Variants in ALX3 observed in about 807,000 individuals in gnomAD.
ALX3 encodes the protein ALX homeobox 3, also known as homeobox protein aristaless-like 3.
ALX3 carries 17 observed loss-of-function variants against 26.3 expected under a neutral mutation model. The ratio of observed to expected loss-of-function variants is 0.65; its 90% confidence interval spans 0.44 to 0.97. The LOEUF is 0.97. Among genes scored for constraint, ALX3 ranks in the 50% least tolerant of loss-of-function variants. The pLI, the probability that ALX3 is intolerant of heterozygous loss-of-function variation, is 0.00. For missense variants in ALX3, 461 were observed against 466.5 expected (o/e 0.99, Z 0.11); for synonymous variants, 208 against 201.4 (o/e 1.03, Z -0.28).
In ALX3 at chr1:110,070,254, A is replaced by G; in HGVS notation, c.277+82T>C. ...TGAGAAATAGGCGAGCGGGAGAGAT[A>G]AGCAGGAAGGCCCGGGTGGGCCCGG... is the stretch of plus-strand genomic sequence containing the variant. On this transcript the variant is annotated intron_variant, in intron 1 of 3. Coordinates refer to ENST00000647563, the MANE Select transcript of ALX3 (RefSeq NM_006492.3). 3 of 1,257,688 alleles carry G rather than the reference A, an allele frequency of 2.4e-6. No homozygotes were observed. In the East Asian group the frequency reaches 8.8e-5, roughly 37 times the overall value. The allele number at this position is 1,257,688 out of a possible 1,614,324, so 77.9% of individuals were successfully genotyped here. A position where few individuals can be genotyped will look rare whatever the true frequency, so the allele number is the denominator to read the frequency against.
At chr1:110,064,208 G>C (rs1386495018) in intron 2 of ALX3, among the ~76,000 whole-genome samples, 7 of 152,192 alleles carry the variant, frequency 4.6e-5, no homozygotes, top group Admixed American at 3.3e-4. Flanking sequence ...GGCCATCCCT[G>C]TGATCCTCAG....
At chr1:110,062,178 A>G (rs1653664804) in intron 2 of ALX3, 1 of 153,360 alleles carries the variant, frequency 6.5e-6, no homozygotes, top group Non-Finnish European at 1.5e-5. Flanking sequence ...TGCTCCTTCC[A>G]TCTTTTGCTT....
chr1:110,063,669 A>G (rs964524258), intron 2 of ALX3, among the ~76,000 whole-genome samples: 4 of 151,084 alleles, frequency 2.6e-5, no homozygotes, highest in Non-Finnish European at 5.9e-5. Flanking sequence ...TCACCTCCTC[A>G]CCTTTCCCCA....
chr1:110,066,950 C>T (rs1653806252), intron 1 of ALX3, among the ~76,000 whole-genome samples: 1 of 152,188 alleles, frequency 6.6e-6, no homozygotes, highest in African/African-American at 2.4e-5. Context: ...AAAGAAGAGG[C>T]TAAGCCTGCT....
intron 2 of ALX3, among the ~76,000 whole-genome samples, chr1:110,063,871 T>C (rs1338051943): frequency 2.6e-5 from 4 of 151,980 alleles, no homozygotes; most frequent in Non-Finnish European, 5.9e-5. Flanking sequence ...GGACGTGGGC[T>C]TCCCTTGCCT....
rs756125390 is a variant in ALX3, at chr1:110,064,698, G to A, written c.483C>T (p.Ser161=). ...SKKRRNRTTF[S]TFQLEELEKV... ...TCTCCAGCTCCTCCAGCTGGAATGTGCTGAAGGTCGTGCGGTTACGACGCT... is the reference window on the plus strand; with the variant it reads ...TCTCCAGCTCCTCCAGCTGGAATGTACTGAAGGTCGTGCGGTTACGACGCT... The change falls in exon 2 of 4, where the codon AGC becomes AGT. Residue 161 remains serine, a synonymous_variant. Transcript: ENST00000647563. 2 of 1,614,262 alleles carry A rather than the reference G, an allele frequency of 1.2e-6. No homozygotes were observed. The highest frequency in any genetic ancestry group is 1.7e-6 in the Non-Finnish European group (2 of 1,180,052).
chr1:110,070,268 G>T, intron 1 of ALX3, 68 bp downstream of exon 1: 1 of 1,278,136 alleles, frequency 7.8e-7, no homozygotes, highest in Non-Finnish European at 9.9e-7. Flanking sequence ...AGGAAGGCCC[G>T]GGTGGGCCCG....
chr1:110,070,431 A>T lies in ALX3; in HGVS notation c.182T>A (p.Leu61His), dbSNP rs1219901152. Residue 61 changes from leucine to histidine, a missense_variant, in exon 1 of 4, where the codon CTC (leucine) becomes CAC (histidine). Around this residue, in one of 3 missense-constraint regions of ALX3, gnomAD observed 241 missense variants for 206.1 expected, o/e 1.17. Coordinates refer to ENST00000647563, the MANE Select transcript of ALX3 (RefSeq NM_006492.3). ...FPACGPLEPY[L>H]PEPAKPPAKY... Reference sequence around the variant, plus strand: ...GGCGGGCGGCTTGGCCGGCTCTGGGAGGTAGGGCTCCAGGGGCCCGCAGGC... The same window carrying T: ...GGCGGGCGGCTTGGCCGGCTCTGGGTGGTAGGGCTCCAGGGGCCCGCAGGC... 7.1e-6 allele frequency: 9 copies of T among 1,267,992 alleles called. 1 individual carries two copies. Among genetic ancestry groups the T allele is most frequent in the Non-Finnish European group, 7.9e-6 (8 of 1,008,696 alleles). 78.5% of individuals were successfully genotyped at this position (1,267,992 alleles called of 1,614,324 possible). A position where few individuals can be genotyped will look rare whatever the true frequency, so the allele number is the denominator to read the frequency against.
chr1:110,070,397 C>T lies in ALX3; in HGVS notation c.216G>A (p.Leu72=), dbSNP rs756058496. 1.8e-5 allele frequency: 23 copies of T among 1,283,674 alleles called. No individual in the cohort carries two copies. The Admixed American group carries it at 1.9e-4, about 11-fold the overall frequency. 79.5% of individuals were successfully genotyped at this position (1,283,674 alleles called of 1,614,324 possible). The change falls in exon 1 of 4, where the codon CTG becomes CTA. Residue 72 remains leucine (L), a synonymous_variant. Transcript: ENST00000647563. The stretch of plus-strand genomic sequence containing the variant: ...GGGCCGGGCCGGGCCCGAGGTCCTG[C>T]AGGTACTTGGCGGGCGGCTTGGCCG... ...PEPAKPPAKY[L]QDLGPGPALN...
chr1:110,065,493 A>G (rs1653760091), intron 1 of ALX3, among the ~76,000 whole-genome samples: 1 of 152,150 alleles, frequency 6.6e-6, no homozygotes, highest in South Asian at 2.1e-4. Context: ...CTGGTGTAAG[A>G]AGGGCAAGAT....
intron 2 of ALX3, among the ~76,000 whole-genome samples, chr1:110,063,738 C>G (rs936128909): frequency 6.6e-6 from 1 of 151,642 alleles, no homozygotes; most frequent in Admixed American, 6.6e-5. Flanking sequence ...CTGCTTTGAT[C>G]GAGCCGGTTC....
intron 2 of ALX3, 141 bp downstream of exon 2, chr1:110,064,446 G>C (rs1462198012): frequency 9.7e-7 from 1 of 1,032,358 alleles, no homozygotes; most frequent in Non-Finnish European, 1.4e-6. Context: ...GGTGAGCCCA[G>C]GAGGGGAAGG....
intron 1 of ALX3, among the ~76,000 whole-genome samples, chr1:110,065,544 C>G (rs1481228174): frequency 1.3e-5 from 2 of 152,166 alleles, no homozygotes; most frequent in Non-Finnish European, 2.9e-5. Flanking sequence ...CTCTCCATTC[C>G]TCCTAAAATT....
chr1:110,063,923 C>A (rs1159128753), intron 2 of ALX3, among the ~76,000 whole-genome samples: 3 of 151,992 alleles, frequency 2.0e-5, no homozygotes, highest in African/African-American at 7.2e-5. Context: ...GCTGGGCTCC[C>A]CCCATGTAAA....
At position 110,060,664 on chromosome 1, in the gene ALX3, A is replaced by AGGTTCTTCCTCCGTGGTGTCCAGGCAGG; in HGVS notation, c.*68_*69insCCTGCCTGGACACCACGGAGGAAGAACC. On this transcript the variant is annotated 3_prime_UTR_variant, in exon 4 of 4. Transcript: ENST00000647563. ...AGAACCATCTGGGGCTTGGAGGCAG[A>AGGTTCTTCCTCCGTGGTGTCCAGGCAGG]GGTGGGCTGGGAGCGACTGGGAATG... The AGGTTCTTCCTCCGTGGTGTCCAGGCAGG allele has an allele frequency of 1.5e-6, 2 of 1,374,874 alleles. No homozygotes were observed. The highest frequency in any genetic ancestry group is 2.0e-6 in the Non-Finnish European group (2 of 1,011,212). The allele number at this position is 1,374,874 out of a possible 1,614,324, so 85.2% of individuals were successfully genotyped here.
chr1:110,070,262 A>AGGCCCGGGTG (rs1314820305), intron 1 of ALX3, 74 bp downstream of exon 1: 1 of 1,265,746 alleles, frequency 7.9e-7, no homozygotes, highest in Non-Finnish European at 1.0e-6. Context: ...ATAAGCAGGA[A>AGGCCCGGGTG]GGCCCGGGTG....
Position 110,061,507 on chromosome 1 carries a change from G to T in ALX3, c.651C>A (p.Ile217=). The part of the protein sequence containing the change: ...KWRKRERYGK[I]QEGRNPFTAA... ...CCGTGAAGGGGTTCCGCCCCTCCTGGATCTTCCCATAACGCTCGCGCTTCC... is the reference window on the plus strand; with the variant it reads ...CCGTGAAGGGGTTCCGCCCCTCCTGTATCTTCCCATAACGCTCGCGCTTCC... Residue 217 remains isoleucine, a synonymous_variant, in exon 3 of 4, where the codon ATC becomes ATA. Transcript: ENST00000647563. 6.2e-7 allele frequency: 1 copy of T among 1,614,208 alleles called. No individual in the cohort carries two copies. Among genetic ancestry groups the T allele is most frequent in the African/African-American group, 1.3e-5 (1 of 75,054 alleles).
chr1:110,067,526 C>T (rs557941390), intron 1 of ALX3, among the ~76,000 whole-genome samples: 21 of 152,350 alleles, frequency 1.4e-4, no homozygotes, highest in Non-Finnish European at 2.5e-4. Flanking sequence ...GCACCCCTCA[C>T]CCGGAGGAGT....
rs1198877635 is a variant in ALX3 at position 110,059,948 on chromosome 1, CAAA to C, written c.*782_*784del. On this transcript the variant is annotated 3_prime_UTR_variant, in exon 4 of 4. Transcript: ENST00000647563. ...CTCTCTCCTTTTTTTTTTTTTTAAACAAAAAAAACACAAAAGTGTCTGTACAAA... is the reference window on the plus strand; with the variant it reads ...CTCTCTCCTTTTTTTTTTTTTTAAACAAAAACACAAAAGTGTCTGTACAAA... The C allele has an allele frequency of 1.5e-5, 2 of 136,212 alleles. No individual in the cohort carries two copies. Among genetic ancestry groups the C allele is most frequent in the African/African-American group, 5.5e-5 (2 of 36,446 alleles). 8.4% of individuals were successfully genotyped at this position (136,212 alleles called of 1,614,324 possible).
Sources: gnomAD v4.1 joint callset for allele counts (sites outside exome capture counted in the v4.1 genomes callset) on GRCh38, gnomAD v4.1.1 for gene constraint, gnomAD v4.1.1 regional missense constraint, MANE v1.5 for transcripts, NCBI Gene and HGNC (gene_info 2026-07-23, HGNC 2026-07-21) for gene names.